The following GRIA1 variants were observed in gnomAD, a reference collection of about 807,000 sequenced individuals.
GRIA1 encodes glutamate receptor 1.
Under a neutral mutation model 99.2 loss-of-function variants are expected in GRIA1, and 31 were observed. The observed-to-expected ratio is 0.31, with a 90% CI of 0.23 to 0.42. The LOEUF is 0.42. Ranked by LOEUF, GRIA1 falls within the 10% of genes least tolerant of loss-of-function variation. GRIA1 has a pLI of 1.00. For missense variants in GRIA1, 782 were observed against 1,157.5 expected (o/e 0.68, Z 4.71); for synonymous variants, 438 against 432.4 (o/e 1.01, Z -0.16).
chr5:153,722,008 C>T (rs1331076454), intron 11 of GRIA1, among the ~76,000 whole-genome samples: 1 of 152,144 alleles, frequency 6.6e-6, no homozygotes, highest in African/African-American at 2.4e-5. Context: ...TTGCCCTTTT[C>T]CTTTTAGCAA....
chr5:153,661,476 G>A (rs1755366462), intron 5 of GRIA1, among the ~76,000 whole-genome samples: 2 of 152,080 alleles, frequency 1.3e-5, no homozygotes, highest in African/African-American at 4.8e-5. Context: ...GTTTTATGCT[G>A]CCATAGCCCC....
At chr5:153,560,762 C>T (rs1237705124) in intron 2 of GRIA1, among the ~76,000 whole-genome samples, 2 of 152,154 alleles carry the variant, frequency 1.3e-5, no homozygotes, top group East Asian at 3.9e-4. Flanking sequence ...AGGCTTTGGG[C>T]ATAAGCTATG....
At chr5:153,522,745 G>A (rs1757264343) in intron 2 of GRIA1, among the ~76,000 whole-genome samples, 1 of 152,130 alleles carries the variant, frequency 6.6e-6, no homozygotes, top group South Asian at 2.1e-4. Flanking sequence ...CAGTTCATTG[G>A]ATCAAGCAAG....
At chr5:153,710,570 A>G (rs1428812903) in intron 11 of GRIA1, among the ~76,000 whole-genome samples, 1 of 152,200 alleles carries the variant, frequency 6.6e-6, no homozygotes, top group Non-Finnish European at 1.5e-5. Context: ...GAGTATGTTA[A>G]AGAAGGAATA....
At chr5:153,789,335 A>ATC (rs60072914) in intron 13 of GRIA1, among the ~76,000 whole-genome samples, 1,867 of 148,614 alleles carry the variant, frequency 0.013, 25 homozygotes, top group African/African-American at 0.042. Context: ...ATATATATAT[A>ATC]TCTCCTACAT....
At chr5:153,761,971 C>T (rs1763212701) in intron 11 of GRIA1, among the ~76,000 whole-genome samples, 1 of 152,118 alleles carries the variant, frequency 6.6e-6, no homozygotes, top group Non-Finnish European at 1.5e-5. Context: ...AAAAATTGAT[C>T]TCCTAGCAGT....
intron 8 of GRIA1, among the ~76,000 whole-genome samples, chr5:153,693,778 T>G (rs1201374965): frequency 2.0e-5 from 3 of 152,246 alleles, no homozygotes. Context: ...TGATTTACTT[T>G]TAGAAAGAAT....
At chr5:153,754,732 A>AATGTG (rs1310107012) in intron 11 of GRIA1, among the ~76,000 whole-genome samples, 1 of 152,208 alleles carries the variant, frequency 6.6e-6, no homozygotes, top group Non-Finnish European at 1.5e-5. Flanking sequence ...TCCAAAATCC[A>AATGTG]ATGTGCATGG....
rs530920506 is a variant in GRIA1, at chr5:153,689,636, C to A, written c.1134+3307C>A. Among the ~76,000 whole-genome samples, 124 of 152,272 alleles carry A rather than the reference C, an allele frequency of 8.1e-4. 1 individual carries two copies. The highest frequency in any genetic ancestry group is 2.9e-3 in the African/African-American group (121 of 41,562). On this transcript the variant is annotated intron_variant, in intron 8 of 15. Transcript: ENST00000285900. Reference sequence around the variant, plus strand: ...TTTCTGCCATCATCCAGCTGTGTGGCCTTCAGCATGTCTCATAGTCTCTCT... The same window carrying A: ...TTTCTGCCATCATCCAGCTGTGTGGACTTCAGCATGTCTCATAGTCTCTCT...
chr5:153,553,488 G>T (rs1760337721), intron 2 of GRIA1, among the ~76,000 whole-genome samples: 1 of 152,166 alleles, frequency 6.6e-6, no homozygotes. Context: ...CCTCTGACTT[G>T]GGGTTTTATG....
At chr5:153,571,289 A>T (rs936402512) in intron 2 of GRIA1, among the ~76,000 whole-genome samples, 4 of 152,172 alleles carry the variant, frequency 2.6e-5, no homozygotes, top group South Asian at 2.1e-4. Flanking sequence ...TGATGGGGAC[A>T]TGTAGGCTCA....
chr5:153,751,482 G>A (rs1006211625), intron 11 of GRIA1, among the ~76,000 whole-genome samples: 1 of 152,228 alleles, frequency 6.6e-6, no homozygotes, highest in Non-Finnish European at 1.5e-5. Context: ...GCATTCAAGT[G>A]TTACTGGAAC....
intron 11 of GRIA1, 112 bp from the exon 12 acceptor site, chr5:153,764,322 C>A (rs1262254462): frequency 2.7e-6 from 2 of 753,162 alleles, no homozygotes; most frequent in African/African-American, 3.4e-5. Flanking sequence ...GAGAAGGGTG[C>A]AATAGGGCCT....
chr5:153,506,254 C>CTA (rs1755479972), intron 2 of GRIA1, among the ~76,000 whole-genome samples: 2 of 151,272 alleles, frequency 1.3e-5, no homozygotes, highest in South Asian at 4.2e-4. Context: ...ATGGAATTGG[C>CTA]TATACTTCTT....
chr5:153,511,277 C>G (rs1003831385), intron 2 of GRIA1, among the ~76,000 whole-genome samples: 5 of 152,126 alleles, frequency 3.3e-5, no homozygotes, highest in African/African-American at 1.2e-4. Flanking sequence ...CTTTTATTGA[C>G]CTGGTTGGCT....
chr5:153,664,883 C>A (rs1191942516), intron 5 of GRIA1, among the ~76,000 whole-genome samples: 1 of 152,198 alleles, frequency 6.6e-6, no homozygotes, highest in Non-Finnish European at 1.5e-5. Context: ...TGTAAACCGG[C>A]TTTTCATCAA....
rs1127386 is a variant in GRIA1, at chr5:153,686,318, G to A, written c.1123G>A (p.Gly375Ser). 1.5e-4 allele frequency: 243 copies of A among 1,613,078 alleles called. 2 individuals carry two copies. The South Asian group carries it at 1.7e-3, about 12-fold the overall frequency. The change falls in exon 8 of 16, where the codon GGC becomes AGC. Residue 375 changes from glycine to serine, a missense_variant. By Grantham distance (56) the Gly-to-Ser change is moderately conservative (BLOSUM62 0). Coordinates refer to ENST00000285900, the MANE Select transcript of GRIA1 (RefSeq NM_000827.4). ...TLHVIEMKHD[G>S]IRKIGYWNED... ...CCACGTGATTGAAATGAAACATGAC[G>A]GCATCCGAAAGGTAAGGTCCCCCTT...
At chr5:153,705,662 A>ACTTTTT in intron 10 of GRIA1, 35 bp from the exon 11 acceptor site, 2 of 750,700 alleles carry the variant, frequency 2.7e-6, no homozygotes, top group Non-Finnish European at 3.5e-6. Flanking sequence ...GCTCACCTGC[A>ACTTTTT]TTTTTTTTTT....
At chr5:153,667,401 T>G (rs754079027) in intron 5 of GRIA1, among the ~76,000 whole-genome samples, 48 of 152,208 alleles carry the variant, frequency 3.2e-4, no homozygotes, top group Non-Finnish European at 5.3e-4. Flanking sequence ...CCTTTCATCC[T>G]TCGATAGCTA....
Sources: gnomAD v4.1 joint callset for allele counts (sites outside exome capture counted in the v4.1 genomes callset) on GRCh38, gnomAD v4.1.1 for gene constraint, MANE v1.5 for transcripts, NCBI Gene and HGNC (gene_info 2026-07-23, HGNC 2026-07-21) for gene names.